The following TRPM7 variants were observed in gnomAD, a reference collection of about 807,000 sequenced individuals.
TRPM7 encodes the protein transient receptor potential cation channel subfamily M member 7, also known as LTRPC ion channel family member 7.
A neutral mutation model predicts 229.7 loss-of-function variants in TRPM7; 134 were observed. The observed-to-expected ratio is 0.58, with a 90% confidence interval of 0.51 to 0.67. TRPM7 has a LOEUF of 0.67. Among genes scored for constraint, TRPM7 ranks in the 30% least tolerant of loss-of-function variants. The pLI is 0.00. For missense variants in TRPM7, 1,901 were observed against 2,210.0 expected (o/e 0.86, Z 2.80); for synonymous variants, 699 against 715.2 (o/e 0.98, Z 0.36).
At chr15:50,681,264 T>TACACACACACACACACAC (rs72070923) in intron 1 of TRPM7, among the ~76,000 whole-genome samples, 2,067 of 146,968 alleles carry the variant, frequency 0.014, 26 homozygotes, top group African/African-American at 0.035. Flanking sequence ...AATAAATAAA[T>TACACACACACACACACAC]ACACACACAC....
At chr15:50,616,284 T>C (rs919505861) in intron 13 of TRPM7, among the ~76,000 whole-genome samples, 4 of 152,288 alleles carry the variant, frequency 2.6e-5, no homozygotes, top group East Asian at 3.8e-4. Context: ...TTATCACTTA[T>C]AGAAATAAAA....
At chr15:50,579,031 A>G (rs1052691984) in intron 30 of TRPM7, among the ~76,000 whole-genome samples, 3 of 152,206 alleles carry the variant, frequency 2.0e-5, no homozygotes, top group African/African-American at 7.2e-5. Flanking sequence ...ACTTTGCAGG[A>G]TGCTAGAAAT....
At chr15:50,668,093 T>C (rs1053049207) in intron 1 of TRPM7, among the ~76,000 whole-genome samples, 3 of 152,240 alleles carry the variant, frequency 2.0e-5, no homozygotes, top group Non-Finnish European at 4.4e-5. Context: ...GTCATCAACA[T>C]ACAACTGTTG....
At chr15:50,601,961 T>G (rs2059792227) in intron 21 of TRPM7, among the ~76,000 whole-genome samples, 1 of 151,696 alleles carries the variant, frequency 6.6e-6, no homozygotes, top group Non-Finnish European at 1.5e-5. Flanking sequence ...TTTTCTTTTT[T>G]TTTTTTTTAA....
intron 12 of TRPM7, among the ~76,000 whole-genome samples, chr15:50,621,003 CA>C (rs1255438046): frequency 1.3e-5 from 2 of 151,696 alleles, no homozygotes; most frequent in East Asian, 1.9e-4. Flanking sequence ...ACTAAAAATA[CA>C]AAAAATTAGC....
Position 50,595,932 on chromosome 15 carries a change from A to T in TRPM7, c.3290+323T>A, listed in dbSNP as rs201778385. Among the ~76,000 whole-genome samples the T allele has an allele frequency of 3.3e-5, 5 of 152,170 alleles. No individual in the cohort carries two copies. The East Asian group carries it at 9.6e-4, about 29-fold the overall frequency. On this transcript the variant is annotated intron_variant, in intron 23 of 38. Transcript: ENST00000646667. ...TTTACATATATTTGCAAAAAAAATG[A>T]TAGAAAGGTGTACACCCAAATATTA...
intron 1 of TRPM7, among the ~76,000 whole-genome samples, chr15:50,677,738 C>CAAAAAAAAAA (rs10652951): frequency 7.9e-5 from 3 of 38,144 alleles, no homozygotes; most frequent in Non-Finnish European, 1.0e-4. Context: ...GACCCCGTAT[C>CAAAAAAAAAA]AAAAAAAAAA....
At chr15:50,581,294 T>C (rs2054396369) in intron 29 of TRPM7, among the ~76,000 whole-genome samples, 1 of 151,652 alleles carries the variant, frequency 6.6e-6, no homozygotes, top group Non-Finnish European at 1.5e-5. Context: ...AGGTCAGGAG[T>C]TCGAGACCAG....
intron 32 of TRPM7, 39 bp from the exon 33 acceptor site, chr15:50,575,828 G>A (rs1175782740): frequency 1.2e-6 from 2 of 1,611,440 alleles, no homozygotes; most frequent in Non-Finnish European, 1.7e-6. Context: ...AATCTGTAAA[G>A]GTCCAAAATG....
chr15:50,644,273 G>T lies in TRPM7; in HGVS notation c.322-720C>A, dbSNP rs867982741. Among the ~76,000 whole-genome samples the T allele has an allele frequency of 5.3e-5, 8 of 152,242 alleles. No homozygotes were observed. In the South Asian group the frequency reaches 1.7e-3, roughly 32 times the overall value. ...TGAAATAACTTCTTCTGGTTTGAAA[G>T]ATTTTAAAAATTAACTTCCTGTTTA... is the stretch of plus-strand genomic sequence containing the variant. On this transcript the variant is annotated intron_variant, in intron 4 of 38. Coordinates refer to ENST00000646667, the MANE Select transcript of TRPM7 (RefSeq NM_017672.6).
Position 50,629,456 on chromosome 15 carries a change from A to G in TRPM7, c.1205-1207T>C, listed in dbSNP as rs909420214. On this transcript the variant is annotated intron_variant, in intron 10 of 38. Coordinates refer to ENST00000646667, the MANE Select transcript of TRPM7 (RefSeq NM_017672.6). The stretch of plus-strand genomic sequence containing the variant: ...CCAGGCTAAGTTTTGTATTTTTTGT[A>G]GAGATAGGGTTTTGCCAAATTGCCC... 2.0e-5 allele frequency among the ~76,000 whole-genome samples: 3 copies of G among 149,570 alleles called. No individual in the cohort carries two copies. In the East Asian group the frequency reaches 5.8e-4, roughly 29 times the overall value.
Position 50,592,107 on chromosome 15 carries a change from T to G in TRPM7, c.4128A>C (p.Lys1376Asn). ...CTAATTTTTGATTTTTATTAAATAT[T>G]TTTAAGAGTTCTACCCCATGTAGTC... ...RQRLHGVELLKIFNKNQKLGS... is the reference protein window; with the variant it reads ...RQRLHGVELLNIFNKNQKLGS... Residue 1376 changes from lysine (K) to asparagine (N), a missense_variant, in exon 26 of 39, where the codon AAA (lysine) becomes AAC (asparagine). Coordinates refer to ENST00000646667, the MANE Select transcript of TRPM7 (RefSeq NM_017672.6). 6.2e-7 allele frequency: 1 copy of G among 1,610,560 alleles called. No homozygotes were observed. The highest frequency in any genetic ancestry group is 8.5e-7 in the Non-Finnish European group (1 of 1,178,976).
At chr15:50,641,647 T>C (rs1302804076) in intron 5 of TRPM7, among the ~76,000 whole-genome samples, 7 of 152,218 alleles carry the variant, frequency 4.6e-5, no homozygotes. Context: ...TAGATATTTT[T>C]ACTGTTTATG....
chr15:50,637,040 G>T (rs553398567), intron 7 of TRPM7, among the ~76,000 whole-genome samples: 162 of 152,014 alleles, frequency 1.1e-3, no homozygotes, highest in Non-Finnish European at 2.0e-3. Context: ...GCAGAAGAAT[G>T]GTGTGAACCC....
At chr15:50,627,726 G>A (rs2060609087) in intron 11 of TRPM7, among the ~76,000 whole-genome samples, 1 of 152,166 alleles carries the variant, frequency 6.6e-6, no homozygotes, top group Admixed American at 6.5e-5. Flanking sequence ...AAGATTTACA[G>A]ATGGAATTGG....
intron 21 of TRPM7, among the ~76,000 whole-genome samples, chr15:50,603,461 C>T (rs1158558685): frequency 6.6e-6 from 1 of 151,760 alleles, no homozygotes; most frequent in African/African-American, 2.4e-5. Context: ...CCCCTGCCCC[C>T]CACCCCATGA....
Position 50,658,458 on chromosome 15 carries a change from T to C in TRPM7, c.84-639A>G, listed in dbSNP as rs187035073. Among the ~76,000 whole-genome samples the C allele has an allele frequency of 1.1e-3, 173 of 151,452 alleles. 2 individuals are homozygous for C. The highest frequency in any genetic ancestry group is 2.0e-3 in the Admixed American group (31 of 15,134). ...AGTGGTGCAGGCCTATAGTCCTAGC[T>C]ACTAGGGAGGCTGAGGTGGGAGGAT... On this transcript the variant is annotated intron_variant, in intron 2 of 38. Transcript: ENST00000646667.
chr15:50,568,400 T>C (rs1253354143), intron 38 of TRPM7, among the ~76,000 whole-genome samples: 4 of 151,620 alleles, frequency 2.6e-5, no homozygotes, highest in African/African-American at 9.7e-5. Context: ...TACAAAAAGC[T>C]CCTAAAAAAG....
intron 1 of TRPM7, among the ~76,000 whole-genome samples, chr15:50,677,738 C>CAAAAAAAAAAAAAA (rs10652951): frequency 2.6e-5 from 1 of 38,170 alleles, no homozygotes; most frequent in Non-Finnish European, 5.1e-5. Flanking sequence ...GACCCCGTAT[C>CAAAAAAAAAAAAAA]AAAAAAAAAA....
Sources: gnomAD v4.1 joint callset for allele counts (sites outside exome capture counted in the v4.1 genomes callset) on GRCh38, gnomAD v4.1.1 for gene constraint, MANE v1.5 for transcripts, NCBI Gene and HGNC (gene_info 2026-07-23, HGNC 2026-07-21) for gene names.